The following KCTD16 variants were observed in gnomAD, a reference collection of about 807,000 sequenced individuals.
KCTD16 encodes the protein BTB/POZ domain-containing protein KCTD16.
KCTD16 carries 13 observed loss-of-function variants against 33.2 expected under a neutral mutation model. That is an observed-to-expected ratio of 0.39 (90% CI 0.25 to 0.62). The LOEUF is 0.62. Among genes scored for constraint, KCTD16 ranks in the 20% least tolerant of loss-of-function variants. The pLI is 0.50. For missense variants in KCTD16, 441 were observed against 525.1 expected (o/e 0.84, Z 1.57); for synonymous variants, 197 against 195.3 (o/e 1.01, Z -0.07).
At chr5:144,223,150 G>A (rs929242179) in intron 3 of KCTD16, among the ~76,000 whole-genome samples, 9 of 152,126 alleles carry the variant, frequency 5.9e-5, no homozygotes, top group Non-Finnish European at 1.3e-4. Flanking sequence ...TTGTGGGGTC[G>A]GGGGAGCGGG....
chr5:144,408,081 A>G (rs189538765), intron 3 of KCTD16, among the ~76,000 whole-genome samples: 1 of 152,312 alleles, frequency 6.6e-6, no homozygotes, highest in East Asian at 1.9e-4. Flanking sequence ...GCTGGGCCAA[A>G]TGGTATTTCT....
At chr5:144,449,799 A>G (rs1434941217) in intron 3 of KCTD16, among the ~76,000 whole-genome samples, 1 of 152,012 alleles carries the variant, frequency 6.6e-6, no homozygotes, top group South Asian at 2.1e-4. Context: ...CAAAAAATCA[A>G]CTTAAAGTGG....
In KCTD16 at chr5:144,349,210, C is replaced by T. The variant is rs139390979; in HGVS notation, c.833-124450C>T. On this transcript the variant is annotated intron_variant, in intron 3 of 3. Transcript: ENST00000512467. ...AACCATCTTGGGAGGAAGGCACTCT[C>T]CTTTAAGCCCAAGAGGTGGTGCTTT... is the stretch of plus-strand genomic sequence containing the variant. Among the ~76,000 whole-genome samples, 484 of 152,282 alleles carry T rather than the reference C, an allele frequency of 3.2e-3. 2 individuals carry two copies. Among genetic ancestry groups the T allele is most frequent in the African/African-American group, 0.01 (416 of 41,562 alleles).
chr5:144,396,875 A>G (rs1221484170), intron 3 of KCTD16, among the ~76,000 whole-genome samples: 2 of 149,630 alleles, frequency 1.3e-5, no homozygotes, highest in African/African-American at 4.9e-5. Context: ...TTTATTATTT[A>G]TGTATTGTTT....
intron 2 of KCTD16, among the ~76,000 whole-genome samples, chr5:144,198,611 A>G (rs776429805): frequency 1.3e-5 from 2 of 152,196 alleles, no homozygotes; most frequent in Non-Finnish European, 2.9e-5. Flanking sequence ...CCTTCTACAA[A>G]CAATCGCTAT....
chr5:144,383,203 A>C (rs529182355), intron 3 of KCTD16: 68 of 152,274 alleles, frequency 4.5e-4, no homozygotes, highest in African/African-American at 1.3e-3. Flanking sequence ...TAAATGATAA[A>C]TGACGATTTA....
chr5:144,251,829 T>G (rs564282830), intron 3 of KCTD16, among the ~76,000 whole-genome samples: 1 of 152,302 alleles, frequency 6.6e-6, no homozygotes, highest in South Asian at 2.1e-4. Context: ...TGTTCATTAG[T>G]TTTTCATAAG....
At chr5:144,374,814 CACA>C (rs554427609) in intron 3 of KCTD16, among the ~76,000 whole-genome samples, 56 of 152,170 alleles carry the variant, frequency 3.7e-4, no homozygotes, top group Non-Finnish European at 6.9e-4. Flanking sequence ...CTCTCATTAC[CACA>C]ACATCTTTTC....
intron 3 of KCTD16, among the ~76,000 whole-genome samples, chr5:144,242,447 T>C (rs1754430036): frequency 6.6e-6 from 1 of 152,200 alleles, no homozygotes; most frequent in Admixed American, 6.6e-5. Context: ...ACTAATATGT[T>C]ATTGTTGTCA....
chr5:144,449,465 T>G (rs1753892893), intron 3 of KCTD16, among the ~76,000 whole-genome samples: 1 of 152,114 alleles, frequency 6.6e-6, no homozygotes, highest in South Asian at 2.1e-4. Flanking sequence ...AAGAACAAAG[T>G]TGATGGTATC....
intron 3 of KCTD16, among the ~76,000 whole-genome samples, chr5:144,266,205 G>A (rs1028670611): frequency 6.6e-6 from 1 of 152,160 alleles, no homozygotes; most frequent in African/African-American, 2.4e-5. Context: ...ATGCATATAT[G>A]TATATGAGTA....
At chr5:144,467,648 C>A (rs1754377806) in intron 3 of KCTD16, among the ~76,000 whole-genome samples, 1 of 152,124 alleles carries the variant, frequency 6.6e-6, no homozygotes, top group Admixed American at 6.5e-5. Context: ...AGATCACACA[C>A]AAAACATTGA....
At chr5:144,179,973 A>C (rs1198451003) in intron 2 of KCTD16, among the ~76,000 whole-genome samples, 1 of 152,144 alleles carries the variant, frequency 6.6e-6, no homozygotes, top group Non-Finnish European at 1.5e-5. Flanking sequence ...GGTGCTTGCA[A>C]GTTCACTGGC....
At chr5:144,254,160 C>T (rs942624650) in intron 3 of KCTD16, among the ~76,000 whole-genome samples, 1 of 151,408 alleles carries the variant, frequency 6.6e-6, no homozygotes, top group Non-Finnish European at 1.5e-5. Context: ...TTTTTTGAGA[C>T]GGAGTCTCGC....
chr5:144,411,479 A>T (rs1164956351), intron 3 of KCTD16, among the ~76,000 whole-genome samples: 1 of 152,222 alleles, frequency 6.6e-6, no homozygotes, highest in Admixed American at 6.5e-5. Context: ...CTGGATAACC[A>T]TATGCAGAAG....
chr5:144,183,628 A>C (rs963391999), intron 2 of KCTD16, among the ~76,000 whole-genome samples: 12 of 152,206 alleles, frequency 7.9e-5, no homozygotes, highest in African/African-American at 2.9e-4. Flanking sequence ...AACTCGCGGG[A>C]CTAGTCTGGT....
chr5:144,314,983 G>A (rs1025923741), intron 3 of KCTD16, among the ~76,000 whole-genome samples: 3 of 152,166 alleles, frequency 2.0e-5, no homozygotes, highest in African/African-American at 7.2e-5. Flanking sequence ...CAGGATGGAT[G>A]TTCTAAAGAT....
At chr5:144,315,822 T>C (rs769401250) in intron 3 of KCTD16, among the ~76,000 whole-genome samples, 1 of 152,176 alleles carries the variant, frequency 6.6e-6, no homozygotes, top group Non-Finnish European at 1.5e-5. Context: ...TTTTAAAAAG[T>C]TAAAGAAATT....
At chr5:144,402,016 C>T (rs1752714191) in intron 3 of KCTD16, among the ~76,000 whole-genome samples, 2 of 152,176 alleles carry the variant, frequency 1.3e-5, no homozygotes, top group Admixed American at 1.3e-4. Context: ...AGAGAAGGTG[C>T]TGTCATGAAG....
Sources: allele counts gnomAD v4.1 joint callset (sites outside exome capture counted in the v4.1 genomes callset), GRCh38; gene constraint gnomAD v4.1.1; transcripts MANE v1.5; gene names NCBI Gene and HGNC (gene_info 2026-07-23, HGNC 2026-07-21).